Variants in MYO5B observed in about 807,000 individuals in gnomAD.
MYO5B encodes myosin VB, also known as unconventional myosin-Vb.
A neutral mutation model predicts 229.3 loss-of-function variants in MYO5B; 143 were observed. The observed-to-expected ratio is 0.62, with a 90% CI of 0.54 to 0.72. The LOEUF (loss-of-function observed/expected upper bound fraction) is 0.72, where lower values mean the gene tolerates loss of function less well. MYO5B is among the 30% of genes least tolerant of loss of function. MYO5B has a pLI of 0.00. For missense variants in MYO5B, 2,321 were observed against 2,331.0 expected, an observed-to-expected ratio of 1.00 and a Z score of 0.09; for synonymous variants, 918 against 885.2, an observed-to-expected ratio of 1.04 and a Z score of -0.66.
At chr18:49,953,366 G>C (rs1379471364) in intron 13 of MYO5B, 23 bp from the exon 14 acceptor site, 2 of 1,607,386 alleles carry the variant, frequency 1.2e-6, no homozygotes, top group Non-Finnish European at 1.7e-6. Flanking sequence ...CAACCAGAGA[G>C]AGACACAGTC....
chr18:49,919,268 G>A (rs527817118), intron 17 of MYO5B, among the ~76,000 whole-genome samples: 32 of 151,458 alleles, frequency 2.1e-4, no homozygotes, highest in African/African-American at 7.3e-4. Context: ...CTTGGGTTAG[G>A]CAATGCACAA....
chr18:50,168,415 T>C (rs763677615), intron 1 of MYO5B, among the ~76,000 whole-genome samples: 8 of 152,246 alleles, frequency 5.3e-5, no homozygotes, highest in Admixed American at 1.3e-4. Context: ...GTCTCTTCCA[T>C]GAATATGCCT....
chr18:50,188,925 A>C (rs2033191065), intron 1 of MYO5B, among the ~76,000 whole-genome samples: 5 of 152,188 alleles, frequency 3.3e-5, no homozygotes, highest in Admixed American at 3.3e-4. Flanking sequence ...ACAAACTTCA[A>C]AATTCTGATG....
intron 17 of MYO5B, among the ~76,000 whole-genome samples, chr18:49,926,335 T>C (rs777773428): frequency 1.3e-5 from 2 of 152,196 alleles, no homozygotes; most frequent in Non-Finnish European, 2.9e-5. Context: ...GCATACGAAA[T>C]GGTTCCTCCA....
rs1426745787 is a variant in MYO5B, at chr18:49,943,511, C to A, written c.1753-6114G>T. On this transcript the variant is annotated intron_variant, in intron 14 of 39. Transcript: ENST00000285039. ...ATCCATATGCCAACATCATAAAAAA[C>A]CGATATTTGTATTAGGTACTCAATT... is the stretch of plus-strand genomic sequence containing the variant. Among the ~76,000 whole-genome samples the A allele has an allele frequency of 4.6e-5, 7 of 152,228 alleles. No individual in the cohort carries two copies. The South Asian group carries it at 1.2e-3, about 27-fold the overall frequency.
chr18:50,012,756 T>C (rs4427903), intron 4 of MYO5B, among the ~76,000 whole-genome samples: 2,424 of 152,328 alleles, frequency 0.016, 55 homozygotes, highest in African/African-American at 0.05. Context: ...CTGGGTGACA[T>C]TGACTGCACA....
At chr18:50,089,575 C>CAAAAA (rs570849955) in intron 1 of MYO5B, among the ~76,000 whole-genome samples, 6,144 of 123,654 alleles carry the variant, frequency 0.05, 134 homozygotes, top group African/African-American at 0.067. Context: ...TCATCTCTAC[C>CAAAAA]AAAAAAAAAA....
At chr18:50,046,585 T>C (rs2030233638) in intron 2 of MYO5B, among the ~76,000 whole-genome samples, 1 of 152,172 alleles carries the variant, frequency 6.6e-6, no homozygotes, top group Non-Finnish European at 1.5e-5. Context: ...AAAAACAATG[T>C]TAAGGAAACT....
intron 1 of MYO5B, among the ~76,000 whole-genome samples, chr18:50,104,013 A>T (rs1197085044): frequency 6.6e-6 from 1 of 150,460 alleles, no homozygotes; most frequent in Non-Finnish European, 1.5e-5. Context: ...AAAAAAAAAA[A>T]AAATAGCCCG....
chr18:49,897,800 G>A (rs1261328282), intron 21 of MYO5B, among the ~76,000 whole-genome samples: 3 of 152,188 alleles, frequency 2.0e-5, no homozygotes, highest in East Asian at 3.9e-4. Context: ...AAAGTCTACA[G>A]GAGTGGACAG....
At chr18:50,063,633 C>A (rs1279681169) in intron 1 of MYO5B, among the ~76,000 whole-genome samples, 3 of 152,106 alleles carry the variant, frequency 2.0e-5, no homozygotes, top group Non-Finnish European at 4.4e-5. Flanking sequence ...AGTCACATAG[C>A]ACAATTATAA....
intron 4 of MYO5B, among the ~76,000 whole-genome samples, chr18:50,031,460 G>A (rs546946864): frequency 6.6e-6 from 1 of 152,322 alleles, no homozygotes; most frequent in African/African-American, 2.4e-5. Flanking sequence ...AGAATTAGAT[G>A]CATTAATGAG....
chr18:49,940,032 C>A (rs77616614), intron 14 of MYO5B, among the ~76,000 whole-genome samples: 171 of 152,118 alleles, frequency 1.1e-3, no homozygotes, highest in African/African-American at 3.9e-3. Context: ...ACTGCCGAGA[C>A]CTTCAATAAA....
intron 1 of MYO5B, among the ~76,000 whole-genome samples, chr18:50,151,491 A>C (rs1042719240): frequency 6.6e-6 from 1 of 152,144 alleles, no homozygotes. Context: ...GCCTTCTTGG[A>C]TAGGGGTGGG....
chr18:50,087,822 T>C (rs186022332), intron 1 of MYO5B, among the ~76,000 whole-genome samples: 9 of 152,198 alleles, frequency 5.9e-5, no homozygotes, highest in Non-Finnish European at 1.2e-4. Context: ...TCCAAGGTGA[T>C]GCTAGGTGCA....
At chr18:50,152,373 G>A (rs913794103) in intron 1 of MYO5B, among the ~76,000 whole-genome samples, 9 of 152,174 alleles carry the variant, frequency 5.9e-5, no homozygotes, top group African/African-American at 2.2e-4. Flanking sequence ...GATCAGTTTG[G>A]GTTAAGAAAC....
chr18:49,918,040 G>T (rs771641025), intron 17 of MYO5B, among the ~76,000 whole-genome samples: 1 of 152,220 alleles, frequency 6.6e-6, no homozygotes, highest in Non-Finnish European at 1.5e-5. Flanking sequence ...ATGTTTCCTT[G>T]TAATGAGCTC....
intron 1 of MYO5B, among the ~76,000 whole-genome samples, chr18:50,087,774 T>C (rs1438029829): frequency 6.6e-6 from 1 of 151,872 alleles, no homozygotes; most frequent in Non-Finnish European, 1.5e-5. Context: ...GGTTGCCAGT[T>C]TTGATTGATG....
intron 4 of MYO5B, among the ~76,000 whole-genome samples, chr18:50,033,567 T>C (rs1251455441): frequency 6.6e-6 from 1 of 152,110 alleles, no homozygotes; most frequent in Non-Finnish European, 1.5e-5. Flanking sequence ...TATAAACATC[T>C]GCTGATAATG....
Sources: allele counts gnomAD v4.1 joint callset (sites outside exome capture counted in the v4.1 genomes callset), GRCh38; gene constraint gnomAD v4.1.1; transcripts MANE v1.5; gene names NCBI Gene and HGNC (gene_info 2026-07-23, HGNC 2026-07-21).